Variants in TCF12 observed in about 807,000 individuals in gnomAD.
TCF12 encodes the protein transcription factor 12.
Under a neutral mutation model 86.0 loss-of-function variants are expected in TCF12, and 45 were observed. The ratio of observed to expected loss-of-function variants is 0.52; its 90% CI spans 0.41 to 0.67. The LOEUF is 0.67. TCF12 is among the 30% of genes least tolerant of loss of function. The probability of loss-of-function intolerance (pLI) is 0.00; values close to 1 mark genes in which losing one functional copy is unlikely to be tolerated. For missense variants in TCF12, 881 were observed against 859.9 expected (o/e 1.02, Z -0.31); for synonymous variants, 330 against 299.6 (o/e 1.10, Z -1.05).
chr15:56,976,597 A>G (rs2062619976), intron 3 of TCF12, among the ~76,000 whole-genome samples: 1 of 152,050 alleles, frequency 6.6e-6, no homozygotes, highest in African/African-American at 2.4e-5. Flanking sequence ...TTAAGCCCTA[A>G]TAAATCAATG....
At chr15:57,200,984 C>G (rs1236127165) in intron 8 of TCF12, among the ~76,000 whole-genome samples, 1 of 152,178 alleles carries the variant, frequency 6.6e-6, no homozygotes, top group East Asian at 1.9e-4. Context: ...TTCGAAGTTC[C>G]TTTCAGGTCT....
intron 3 of TCF12, among the ~76,000 whole-genome samples, chr15:57,002,217 G>A (rs2064086829): frequency 6.6e-6 from 1 of 152,126 alleles, no homozygotes; most frequent in African/African-American, 2.4e-5. Flanking sequence ...TGAAGAGATG[G>A]GGTGGGAGTT....
At chr15:56,947,297 CTG>C (rs150330761) in intron 3 of TCF12, among the ~76,000 whole-genome samples, 13 of 151,674 alleles carry the variant, frequency 8.6e-5, no homozygotes, top group Admixed American at 4.6e-4. Context: ...TGGAGTTTTA[CTG>C]TGTGTGTGTG....
chr15:56,946,262 G>A (rs914077497), intron 3 of TCF12, among the ~76,000 whole-genome samples: 3 of 151,972 alleles, frequency 2.0e-5, no homozygotes, highest in African/African-American at 7.3e-5. Context: ...ACTGTTCCAC[G>A]GGTTCTCTTA....
At chr15:57,092,479 T>C (rs2049054022) in intron 5 of TCF12, among the ~76,000 whole-genome samples, 1 of 152,178 alleles carries the variant, frequency 6.6e-6, no homozygotes, top group South Asian at 2.1e-4. Context: ...AGGCAAAACC[T>C]TTGTGGTTAA....
At chr15:57,247,335 C>T (rs1474873177) in intron 13 of TCF12, 2 of 655,746 alleles carry the variant, frequency 3.0e-6, no homozygotes, top group Non-Finnish European at 5.6e-6. Context: ...TCAGAGTTTC[C>T]ACCACAGCCA....
intron 5 of TCF12, among the ~76,000 whole-genome samples, chr15:57,106,314 G>A (rs1357164413): frequency 1.3e-5 from 1 of 79,278 alleles, no homozygotes; most frequent in Non-Finnish European, 2.8e-5. Flanking sequence ...GACAAAAGTA[G>A]CGTGGTTACG....
At chr15:57,165,056 A>G (rs1249894303) in intron 5 of TCF12, among the ~76,000 whole-genome samples, 3 of 152,056 alleles carry the variant, frequency 2.0e-5, no homozygotes, top group Non-Finnish European at 2.9e-5. Context: ...AAGGCAATCA[A>G]TGCCTATAAA....
intron 3 of TCF12, among the ~76,000 whole-genome samples, chr15:56,927,022 T>TA (rs1420450992): frequency 6.6e-6 from 1 of 152,082 alleles, no homozygotes; most frequent in Non-Finnish European, 1.5e-5. Flanking sequence ...GGTGTTAGTG[T>TA]AGGGAATAGG....
intron 5 of TCF12, among the ~76,000 whole-genome samples, chr15:57,150,613 T>G (rs73415456): frequency 6.6e-6 from 1 of 151,932 alleles, no homozygotes; most frequent in African/African-American, 2.4e-5. Flanking sequence ...ACTTAAAAAT[T>G]ACTAGCATGA....
chr15:57,247,991 C>G, intron 13 of TCF12: 1 of 723,026 alleles, frequency 1.4e-6, no homozygotes, highest in Middle Eastern at 2.3e-4. Flanking sequence ...CCCACCACCC[C>G]ACCCCCACAG....
intron 13 of TCF12, among the ~76,000 whole-genome samples, chr15:57,250,255 G>A (rs1391933281): frequency 2.0e-5 from 3 of 152,114 alleles, no homozygotes; most frequent in Non-Finnish European, 4.4e-5. Flanking sequence ...CCCTTAGTAA[G>A]GCAATTTGTC....
At chr15:57,171,444 C>CA (rs1299402693) in intron 6 of TCF12, among the ~76,000 whole-genome samples, 32 of 151,384 alleles carry the variant, frequency 2.1e-4, no homozygotes, top group African/African-American at 7.3e-4. Context: ...TCACAAGCGA[C>CA]AAAAAAAATC....
chr15:57,092,140 G>T (rs949589233), intron 5 of TCF12: 14 of 350,406 alleles, frequency 4.0e-5, no homozygotes, highest in Admixed American at 1.7e-4. Context: ...GTCAGTTTTG[G>T]CAATGTCTTT....
intron 8 of TCF12, among the ~76,000 whole-genome samples, chr15:57,220,467 G>A (rs894065580): frequency 6.6e-5 from 10 of 152,144 alleles, no homozygotes; most frequent in African/African-American, 2.4e-4. Flanking sequence ...TTTTGACCTT[G>A]TGTGGATTCA....
chr15:57,232,987 A>G (rs1475910630), intron 11 of TCF12, 131 bp downstream of exon 11: 1 of 520,866 alleles, frequency 1.9e-6, no homozygotes, highest in Admixed American at 5.2e-5. Context: ...ATATATGTAT[A>G]TGTGTGTTAT....
chr15:57,229,976 C>G (rs1273208059), intron 8 of TCF12, among the ~76,000 whole-genome samples: 7 of 151,822 alleles, frequency 4.6e-5, no homozygotes, highest in Non-Finnish European at 1.0e-4. Flanking sequence ...TTCCTTAACT[C>G]TTTTTCTATT....
chr15:57,172,102 C>A (rs1224448053), intron 6 of TCF12, among the ~76,000 whole-genome samples: 1 of 151,924 alleles, frequency 6.6e-6, no homozygotes, highest in Non-Finnish European at 1.5e-5. Context: ...TTTGGTTTTT[C>A]CTTGTTCTTT....
At chr15:57,189,171 A>G (rs1241546382) in intron 6 of TCF12, among the ~76,000 whole-genome samples, 8 of 152,238 alleles carry the variant, frequency 5.3e-5, no homozygotes, top group African/African-American at 1.4e-4. Context: ...GTCTAGGAGT[A>G]TATCTTTATG....
Sources: gnomAD v4.1 joint callset for allele counts (sites outside exome capture counted in the v4.1 genomes callset) on GRCh38, gnomAD v4.1.1 for gene constraint, MANE v1.5 for transcripts, NCBI Gene and HGNC (gene_info 2026-07-23, HGNC 2026-07-21) for gene names.